GSG1L: variants seen among roughly 807,000 people sequenced by gnomAD.
GSG1L encodes the protein GSG1 like.
GSG1L carries 24 observed loss-of-function variants against 42.1 expected under a neutral mutation model. The observed-to-expected ratio is 0.57, with a 90% CI of 0.41 to 0.80. The LOEUF is 0.80. Among genes scored for constraint, GSG1L ranks in the 30% least tolerant of loss-of-function variants. The pLI is 0.00. For synonymous variants in GSG1L, 215 were observed against 203.5 expected (o/e 1.06, Z -0.48); for missense variants, 445 against 472.2 (o/e 0.94, Z 0.53).
rs1381743441 is a variant in GSG1L, at chr16:28,040,364, T to A, written c.349+22712A>T. On this transcript the variant is annotated intron_variant, in intron 1 of 6. Coordinates refer to ENST00000447459, the MANE Select transcript of GSG1L (RefSeq NM_001109763.2). This position sits in a 1 kb window ranked among gnomAD's most constrained non-coding sequence, Gnocchi z 4.1. ...CCTCCCTCTTCTCAATCACTCTCCA[T>A]CCCATCACTTCTCTTTTCTTTCACT... Among the ~76,000 whole-genome samples, 3 of 152,120 alleles carry A rather than the reference T, an allele frequency of 2.0e-5. No individual in the cohort carries two copies. The highest frequency in any genetic ancestry group is 4.8e-5 in the African/African-American group (2 of 41,428).
chr16:27,882,979 G>A (rs892132326), intron 3 of GSG1L, among the ~76,000 whole-genome samples: 12 of 151,894 alleles, frequency 7.9e-5, no homozygotes, highest in African/African-American at 2.9e-4. Context: ...TCGTGGTCGG[G>A]GGGATGGGGG....
chr16:27,925,336 T>C (rs1188617294), intron 2 of GSG1L, among the ~76,000 whole-genome samples: 3 of 152,120 alleles, frequency 2.0e-5, no homozygotes, highest in Non-Finnish European at 4.4e-5. Context: ...CAGTAAGTTG[T>C]GGGGCATTTT....
chr16:27,917,499 GA>G (rs963894871), intron 2 of GSG1L, among the ~76,000 whole-genome samples: 2 of 152,148 alleles, frequency 1.3e-5, no homozygotes. Context: ...ATAAGCAAAA[GA>G]GGAGACTTTG....
chr16:27,807,958 C>T (rs1398866615), intron 5 of GSG1L, among the ~76,000 whole-genome samples: 1 of 152,248 alleles, frequency 6.6e-6, no homozygotes, highest in African/African-American at 2.4e-5. Context: ...GCAGAATACA[C>T]ACCAAAAAGT....
intron 5 of GSG1L, among the ~76,000 whole-genome samples, chr16:27,819,176 G>T (rs2083125904): frequency 4.6e-5 from 7 of 152,010 alleles, no homozygotes; most frequent in Admixed American, 4.6e-4. Flanking sequence ...CTTAAACCGG[G>T]GAGGCAGAGG....
intron 1 of GSG1L, among the ~76,000 whole-genome samples, chr16:27,973,244 T>C (rs972582664): frequency 2.0e-5 from 3 of 151,644 alleles, no homozygotes; most frequent in African/African-American, 7.3e-5. Flanking sequence ...GAGGTCAGGA[T>C]TTCAAGACCA....
At chr16:27,865,546 T>A (rs1409551520) in intron 3 of GSG1L, among the ~76,000 whole-genome samples, 1 of 19,224 alleles carries the variant, frequency 5.2e-5, no homozygotes, top group Non-Finnish European at 8.6e-5. Context: ...TATATATATA[T>A]ATATATATAT....
At position 28,040,673 on chromosome 16, in the gene GSG1L, G is replaced by A. The variant is rs111574899; in HGVS notation, c.349+22403C>T. Reference sequence around the variant, plus strand: ...CATGAAGATGCTCTCAGAGCCCCCAGGCCTGAGAGCCTTCCCTCCACTGGG... The same window carrying A: ...CATGAAGATGCTCTCAGAGCCCCCAAGCCTGAGAGCCTTCCCTCCACTGGG... On this transcript the variant is annotated intron_variant, in intron 1 of 6. Transcript: ENST00000447459. The surrounding 1 kb of genome is among the most constrained non-coding windows in gnomAD (Gnocchi z 4.1). Among the ~76,000 whole-genome samples the A allele has an allele frequency of 6.8e-3, 1,039 of 152,302 alleles. 8 individuals are homozygous for A. The highest frequency in any genetic ancestry group is 0.021 in the African/African-American group (859 of 41,576).
rs79533786 is a variant in GSG1L, at chr16:27,905,560, T to C, written c.398-20922A>G. Among the ~76,000 whole-genome samples the C allele has an allele frequency of 6.9e-3, 1,056 of 152,212 alleles. 17 individuals are homozygous for C. The highest frequency in any genetic ancestry group is 0.024 in the African/African-American group (1,007 of 41,530). Reference sequence around the variant, plus strand: ...TTGAACTCCTGGCCTCAAGCAGTCCTCCCACAGCCTTCCAAAGTGCTGGGA... The same window carrying C: ...TTGAACTCCTGGCCTCAAGCAGTCCCCCCACAGCCTTCCAAAGTGCTGGGA... On this transcript the variant is annotated intron_variant, in intron 2 of 6. Coordinates refer to ENST00000447459, the MANE Select transcript of GSG1L (RefSeq NM_001109763.2).
At chr16:28,007,198 C>G (rs1247953592) in intron 1 of GSG1L, among the ~76,000 whole-genome samples, 2 of 152,060 alleles carry the variant, frequency 1.3e-5, no homozygotes, top group African/African-American at 4.8e-5. Flanking sequence ...GGGAGATTAG[C>G]CAGGATTATC....
chr16:27,961,942 T>TG (rs948290770), intron 2 of GSG1L, among the ~76,000 whole-genome samples: 1 of 152,144 alleles, frequency 6.6e-6, no homozygotes, highest in Admixed American at 6.5e-5. Context: ...AAAAAGACAG[T>TG]GTCTGCAAAA....
intron 1 of GSG1L, among the ~76,000 whole-genome samples, chr16:27,984,733 G>C (rs1413170327): frequency 6.6e-6 from 1 of 151,528 alleles, no homozygotes; most frequent in Non-Finnish European, 1.5e-5. Context: ...CTTTTCTGTT[G>C]GTATAATTTT....
intron 5 of GSG1L, among the ~76,000 whole-genome samples, chr16:27,824,870 C>T (rs2083191417): frequency 6.6e-6 from 1 of 152,218 alleles, no homozygotes; most frequent in Admixed American, 6.5e-5. Context: ...TGGCAACTGA[C>T]CGCAGTGCTA....
At chr16:27,867,430 G>T (rs958700474) in intron 3 of GSG1L, among the ~76,000 whole-genome samples, 1 of 152,200 alleles carries the variant, frequency 6.6e-6, no homozygotes, top group Non-Finnish European at 1.5e-5. Flanking sequence ...GGAGGCAGAG[G>T]GTGGGCCTGG....
intron 3 of GSG1L, among the ~76,000 whole-genome samples, chr16:27,880,320 T>C (rs2083937439): frequency 6.6e-6 from 1 of 152,202 alleles, no homozygotes; most frequent in South Asian, 2.1e-4. Context: ...TACAAAATCC[T>C]TTCTCTCCAC....
chr16:27,855,876 C>G (rs2140994775), intron 3 of GSG1L, among the ~76,000 whole-genome samples: 1 of 152,052 alleles, frequency 6.6e-6, no homozygotes, highest in East Asian at 1.9e-4. Flanking sequence ...GGAGCCAGAG[C>G]CTACACCGGG....
At position 27,979,773 on chromosome 16, in the gene GSG1L, A is replaced by G. The variant is rs532203544; in HGVS notation, c.350-16570T>C. Reference sequence around the variant, plus strand: ...AGGAAAGAAAGAAAGAAAGAAGGAAAGAAAGAAAGAAAAAGAAAGAAAGGA... The same window carrying G: ...AGGAAAGAAAGAAAGAAAGAAGGAAGGAAAGAAAGAAAAAGAAAGAAAGGA... On this transcript the variant is annotated intron_variant, in intron 1 of 6. Coordinates refer to ENST00000447459, the MANE Select transcript of GSG1L (RefSeq NM_001109763.2). Among the ~76,000 whole-genome samples the G allele has an allele frequency of 1.0e-3, 142 of 140,398 alleles. 1 individual carries two copies. Among genetic ancestry groups the G allele is most frequent in the African/African-American group, 3.4e-3 (131 of 38,222 alleles). The allele number at this position is 140,398 out of a possible 152,430, so 92.1% of individuals were successfully genotyped here. A position where few individuals can be genotyped will look rare whatever the true frequency, so the allele number is the denominator to read the frequency against.
At chr16:27,920,661 G>C (rs1394567713) in intron 2 of GSG1L, among the ~76,000 whole-genome samples, 1 of 152,204 alleles carries the variant, frequency 6.6e-6, no homozygotes, top group Non-Finnish European at 1.5e-5. Context: ...TGTTCATCAC[G>C]GCATGCTCCT....
At position 27,884,516 on chromosome 16, in the gene GSG1L, C is replaced by A; in HGVS notation, c.520G>T (p.Ala174Ser). 1.2e-6 allele frequency: 2 copies of A among 1,613,938 alleles called. No homozygotes were observed. Among genetic ancestry groups the A allele is most frequent in the Non-Finnish European group, 1.7e-6 (2 of 1,179,964 alleles). ...SNVIDGLKLN[A>S]FAAVFTVLSG... ...AGCACCGTGAAGACAGCCGCGAAGG[C>A]ATTGAGCTTGAGCCCGTCGATGACA... The change falls in exon 3 of 7, where the codon GCC (alanine) becomes TCC (serine). Residue 174 changes from alanine (A) to serine (S), a missense_variant. This residue lies in a region of GSG1L where 149 missense variants were observed against 223.3 expected (regional missense o/e 0.67). Transcript: ENST00000447459. This position sits in a 1 kb window ranked among gnomAD's most constrained non-coding sequence, Gnocchi z 4.4.
Sources: allele counts gnomAD v4.1 joint callset (sites outside exome capture counted in the v4.1 genomes callset), GRCh38; gene constraint gnomAD v4.1.1; regional missense constraint gnomAD v4.1.1; non-coding constraint Gnocchi (gnomAD v3.1); transcripts MANE v1.5; gene names NCBI Gene and HGNC (gene_info 2026-07-23, HGNC 2026-07-21).